The following MROH1 variants were observed in gnomAD, a reference collection of about 807,000 sequenced individuals.
The protein encoded by MROH1 is maestro heat-like repeat-containing protein family member 1.
MROH1 carries 117 observed loss-of-function variants against 116.5 expected under a neutral mutation model. The observed-to-expected ratio is 1.00, with a 90% CI of 0.86 to 1.17. MROH1 has a LOEUF of 1.17. MROH1 is among the 50% of genes most tolerant of loss of function. The pLI, the probability that MROH1 is intolerant of heterozygous loss-of-function variation, is 0.00. For synonymous variants in MROH1, 921 were observed against 583.9 expected (o/e 1.58, Z -8.32); for missense variants, 1,873 against 1,338.5 (o/e 1.40, Z -6.23).
At chr8:144,152,948 T>C (rs1817196740) in intron 1 of MROH1, among the ~76,000 whole-genome samples, 4 of 152,218 alleles carry the variant, frequency 2.6e-5, no homozygotes, top group African/African-American at 9.6e-5. Flanking sequence ...TCATCTATGT[T>C]GTGCAATTGA....
chr8:144,168,548 G>T (rs531172050), intron 4 of MROH1, 108 bp downstream of exon 4: 6 of 1,345,684 alleles, frequency 4.5e-6, no homozygotes, highest in South Asian at 2.8e-5. Context: ...CGGGTGTTAC[G>T]CAGGGGTGGC....
In MROH1 at chr8:144,250,221, A is replaced by G; in HGVS notation, c.3283A>G (p.Ile1095Val). ...TCCCGCCCATCTACAGGTGCCCGAG[A>G]TCGTGAGCGTCCTGCGCTCCAAGCT... ...GGVLQEKVPEIVSVLRSKLQE... is the reference protein window; with the variant it reads ...GGVLQEKVPEVVSVLRSKLQE... Residue 1095 changes from isoleucine to valine, a missense_variant, in exon 33 of 44, where the codon ATC (isoleucine) becomes GTC (valine). Coordinates refer to ENST00000326134, the MANE Select transcript of MROH1 (RefSeq NM_032450.3). The G allele has an allele frequency of 1.3e-6, 1 of 767,152 alleles. No homozygotes were observed. The highest frequency in any genetic ancestry group is 2.4e-6 in the Non-Finnish European group (1 of 416,896). 47.5% of individuals were successfully genotyped at this position (767,152 alleles called of 1,614,324 possible). A position where few individuals can be genotyped will look rare whatever the true frequency, so the allele number is the denominator to read the frequency against.
Position 144,180,991 on chromosome 8 carries a change from G to T in MROH1, c.562+468G>T, listed in dbSNP as rs1452617334. ...GCAGGGGACTGCGGGCATGTCATGG[G>T]CCTGGACCTTGGTTTCCCCTGCCAC... On this transcript the variant is annotated intron_variant, in intron 7 of 43. Coordinates refer to ENST00000326134, the MANE Select transcript of MROH1 (RefSeq NM_032450.3). The surrounding 1 kb of genome is among the most constrained non-coding windows in gnomAD (Gnocchi z 7.4). 6.6e-6 allele frequency among the ~76,000 whole-genome samples: 1 copy of T among 152,160 alleles called. No homozygotes were observed.
At position 144,259,376 on chromosome 8, in the gene MROH1, T is replaced by C. The variant is rs1240041103; in HGVS notation, c.4044+22T>C. On this transcript the variant is annotated intron_variant, in intron 37 of 43. Transcript: ENST00000326134. ...CGAGGTAGGCCCTTCCAGGGACGGA[T>C]GCTGGGCACCAAGGTGGGGCTCCTG... 4.5e-5 allele frequency: 32 copies of C among 714,708 alleles called. No individual in the cohort carries two copies. The East Asian group carries it at 7.8e-4, about 17-fold the overall frequency. The allele number at this position is 714,708 out of a possible 1,614,324, so 44.3% of individuals were successfully genotyped here. A position where few individuals can be genotyped will look rare whatever the true frequency, so the allele number is the denominator to read the frequency against.
chr8:144,217,776 G>A (rs1835587578), intron 12 of MROH1, among the ~76,000 whole-genome samples: 1 of 152,128 alleles, frequency 6.6e-6, no homozygotes, highest in African/African-American at 2.4e-5. Context: ...CCTAATTTTT[G>A]TGAGACCAGA....
intron 18 of MROH1, 65 bp from the exon 19 acceptor site, chr8:144,240,036 G>T (rs1840701672): frequency 4.0e-6 from 3 of 741,520 alleles, no homozygotes; most frequent in South Asian, 2.9e-5. Flanking sequence ...TCCAGGGCAG[G>T]TGCTGGGCTC....
chr8:144,172,131 A>G (rs1287312334), intron 4 of MROH1, among the ~76,000 whole-genome samples: 1 of 152,188 alleles, frequency 6.6e-6, no homozygotes, highest in Non-Finnish European at 1.5e-5. Flanking sequence ...TTCTTGACAT[A>G]TTTTGAAATG....
rs1048556773 is a variant in MROH1 at position 144,250,791 on chromosome 8, C to G, written c.3428+425C>G. ...CTGCCTGTGAGCAGACCCCTGGGAA[C>G]TGCCTGATCTGAGCCCCCTCAGGAG... On this transcript the variant is annotated intron_variant, in intron 33 of 43. Transcript: ENST00000326134. The G allele has an allele frequency of 1.1e-5, 4 of 352,442 alleles. No individual in the cohort carries two copies. The East Asian group carries it at 3.0e-4, about 26-fold the overall frequency. The allele number at this position is 352,442 out of a possible 1,614,324, so 21.8% of individuals were successfully genotyped here. A position where few individuals can be genotyped will look rare whatever the true frequency, so the allele number is the denominator to read the frequency against.
intron 3 of MROH1, among the ~76,000 whole-genome samples, chr8:144,167,164 C>CTTGTTGGGGTGGAGTGGCCGG (rs1481971268): frequency 5.9e-5 from 9 of 151,816 alleles, no homozygotes; most frequent in Non-Finnish European, 1.2e-4. Flanking sequence ...CCTGGAGGGT[C>CTTGTTGGGGTGGAGTGGCCGG]TTGTTGGGGT....
intron 12 of MROH1, among the ~76,000 whole-genome samples, chr8:144,209,414 A>C (rs1833598438): frequency 6.6e-6 from 1 of 151,626 alleles, no homozygotes; most frequent in South Asian, 2.1e-4. Flanking sequence ...CCCCGTCTCT[A>C]CAAAAAATAC....
intron 1 of MROH1, among the ~76,000 whole-genome samples, chr8:144,152,393 A>T (rs868646154): frequency 0.012 from 1,732 of 145,636 alleles, 23 homozygotes; most frequent in African/African-American, 0.041. Flanking sequence ...TTTAAAAAAA[A>T]TTTTTTTTTT....
At chr8:144,153,103 G>A (rs1159919750) in intron 1 of MROH1, among the ~76,000 whole-genome samples, 1 of 152,110 alleles carries the variant, frequency 6.6e-6, no homozygotes, top group African/African-American at 2.4e-5. Context: ...GGGATTCCAC[G>A]TGTGAGATCA....
intron 12 of MROH1, among the ~76,000 whole-genome samples, chr8:144,220,213 A>T (rs1836407624): frequency 6.6e-6 from 1 of 152,108 alleles, no homozygotes; most frequent in Admixed American, 6.6e-5. Flanking sequence ...GCCCCCCAAG[A>T]CCTGCTGAGT....
At chr8:144,193,544 C>T (rs142031524) in intron 10 of MROH1, among the ~76,000 whole-genome samples, 144 of 152,302 alleles carry the variant, frequency 9.5e-4, no homozygotes, top group African/African-American at 3.4e-3. Context: ...TGAGGTTTTG[C>T]ATAAAGTAGC....
chr8:144,261,078 G>T, intron 41 of MROH1, 36 bp from the exon 42 acceptor site: 1 of 769,862 alleles, frequency 1.3e-6, no homozygotes, highest in Non-Finnish European at 2.4e-6. Flanking sequence ...GGTGGGTGGG[G>T]CGGGGCCAGG....
intron 26 of MROH1, 123 bp from the exon 27 acceptor site, chr8:144,244,099 C>T (rs959153361): frequency 5.0e-5 from 35 of 698,318 alleles, no homozygotes; most frequent in Admixed American, 1.0e-4. Flanking sequence ...CATGGGGTGC[C>T]GCCATGGTCT....
chr8:144,257,109 G>A (rs1564577890), intron 35 of MROH1, among the ~76,000 whole-genome samples: 1 of 152,236 alleles, frequency 6.6e-6, no homozygotes, highest in Non-Finnish European at 1.5e-5. Flanking sequence ...AGTGACTGGT[G>A]TGGCTCTGTC....
chr8:144,239,038 C>T lies in MROH1; in HGVS notation c.1450C>T (p.Leu484Phe). The change falls in exon 16 of 44, where the codon CTC (leucine) becomes TTC (phenylalanine). Residue 484 changes from leucine (L) to phenylalanine (F), a missense_variant. Coordinates refer to ENST00000326134, the MANE Select transcript of MROH1 (RefSeq NM_032450.3). ...STTVDRMSHV[L>F]WPYLLQFLTP... is the part of the protein sequence containing the mutation. ...ACCAGGCCCTCTGCTCCCCTAGGTC[C>T]TCTGGCCATACCTGCTCCAGTTCCT... 2 of 778,144 alleles carry T rather than the reference C, an allele frequency of 2.6e-6. No homozygotes were observed. Among genetic ancestry groups the T allele is most frequent in the South Asian group, 2.7e-5 (2 of 74,586 alleles). The allele number at this position is 778,144 out of a possible 1,614,324, so 48.2% of individuals were successfully genotyped here.
intron 28 of MROH1, 37 bp from the exon 29 acceptor site, chr8:144,245,119 C>T (rs1017979295): frequency 1.3e-5 from 10 of 778,418 alleles, no homozygotes; most frequent in Admixed American, 1.2e-4. Flanking sequence ...CAGGGCTGCC[C>T]TCTGAGCAGT....
Sources: allele counts gnomAD v4.1 joint callset (sites outside exome capture counted in the v4.1 genomes callset), GRCh38; gene constraint gnomAD v4.1.1; non-coding constraint Gnocchi (gnomAD v3.1); transcripts MANE v1.5; gene names NCBI Gene and HGNC (gene_info 2026-07-23, HGNC 2026-07-21).